The following STAT5B variants were observed in gnomAD, a reference collection of about 807,000 sequenced individuals.
STAT5B encodes signal transducer and activator of transcription 5B.
In STAT5B, 21 loss-of-function variants were observed where a neutral mutation model predicts 107.8. The observed-to-expected ratio is 0.19, with a 90% CI of 0.14 to 0.28. The LOEUF (loss-of-function observed/expected upper bound fraction) is 0.28. Among genes scored for constraint, STAT5B ranks in the 10% least tolerant of loss-of-function variants. The probability of loss-of-function intolerance (pLI) is 1.00; values close to 1 mark genes in which losing one functional copy is unlikely to be tolerated. For synonymous variants in STAT5B, 325 were observed against 401.7 expected (o/e 0.81, Z 2.28); for missense variants, 565 against 1,008.2 (o/e 0.56, Z 5.95).
chr17:42,269,482 T>A (rs187573634), intron 1 of STAT5B: 6 of 152,064 alleles, frequency 3.9e-5, no homozygotes, highest in Non-Finnish European at 8.8e-5. Flanking sequence ...TCATCAGACA[T>A]AGAAAAAAAG....
At chr17:42,262,798 GTGTGTA>G (rs2080613840) in intron 1 of STAT5B, among the ~76,000 whole-genome samples, 1 of 103,578 alleles carries the variant, frequency 9.7e-6, no homozygotes, top group Non-Finnish European at 1.9e-5. Flanking sequence ...ACATATATAT[GTGTGTA>G]TATATACACA....
At chr17:42,262,320 G>A (rs571937171) in intron 1 of STAT5B, among the ~76,000 whole-genome samples, 6 of 152,170 alleles carry the variant, frequency 3.9e-5, no homozygotes, top group East Asian at 1.9e-4. Context: ...CCAGCACCCC[G>A]TGCTAATATT....
rs1463676724 is a variant in STAT5B, at chr17:42,232,053, A to C, written c.75T>G (p.His25Gln). ...AATAATGCCGCACCTCAATGGGAAA[A>C]TGCTGGCCATATAACGCTTGCATCT... ...LHQMQALYGQ[H>Q]FPIEVRHYLS... Residue 25 changes from histidine to glutamine, a missense_variant, in exon 2 of 19, where the codon CAT becomes CAG. Physicochemically the swap from His to Gln is conservative, Grantham distance 24. Around this residue, in one of 11 missense-constraint regions of STAT5B, gnomAD observed 83 missense variants for 145.1 expected, o/e 0.57. Transcript: ENST00000293328. 6.2e-7 allele frequency: 1 copy of C among 1,613,894 alleles called. No individual in the cohort carries two copies. The highest frequency in any genetic ancestry group is 1.3e-5 in the African/African-American group (1 of 74,966).
intron 1 of STAT5B, among the ~76,000 whole-genome samples, chr17:42,262,872 GTATATATACACATATATATGTGTGTA>G (rs1567677103): frequency 8.4e-6 from 1 of 118,968 alleles, no homozygotes; most frequent in East Asian, 2.4e-4. Context: ...ATATGTGTGT[GTATATATACACATATATATGTGTGTA>G]TATATATGTG....
Position 42,201,566 on chromosome 17 carries a change from G to C in STAT5B, c.*172C>G. On this transcript the variant is annotated 3_prime_UTR_variant, in exon 19 of 19. Transcript: ENST00000293328. The stretch of plus-strand genomic sequence containing the variant: ...CACACACACACACAAACACATACTC[G>C]CACTCCCTTCGCTGGTGCCACCATG... 1.5e-6 allele frequency: 1 copy of C among 684,124 alleles called. No homozygotes were observed. Among genetic ancestry groups the C allele is most frequent in the Non-Finnish European group, 2.7e-6 (1 of 374,290 alleles). The allele number at this position is 684,124 out of a possible 1,614,324, so 42.4% of individuals were successfully genotyped here.
At position 42,207,749 on chromosome 17, in the gene STAT5B, A is replaced by G. The variant is rs191302579; in HGVS notation, c.1907-21T>C. The G allele has an allele frequency of 3.7e-5, 60 of 1,613,510 alleles. No homozygotes were observed. In the East Asian group the frequency reaches 1.0e-3, roughly 28 times the overall value. ...TTCCTCTAGATCAATAAACAGAACA[A>G]TCACATTCTAAACATGATTTCTGAA... On this transcript the variant is annotated intron_variant, in intron 15 of 18. Coordinates refer to ENST00000293328, the MANE Select transcript of STAT5B (RefSeq NM_012448.4).
At chr17:42,205,719 G>A (rs2080079346) in intron 16 of STAT5B, among the ~76,000 whole-genome samples, 1 of 152,114 alleles carries the variant, frequency 6.6e-6, no homozygotes, top group Non-Finnish European at 1.5e-5. Flanking sequence ...AGACCAGTCT[G>A]GGAAACACAG....
At position 42,263,760 on chromosome 17, in the gene STAT5B, C is replaced by T. The variant is rs565438346; in HGVS notation, c.-11+12488G>A. On this transcript the variant is annotated intron_variant, in intron 1 of 18. Coordinates refer to ENST00000293328, the MANE Select transcript of STAT5B (RefSeq NM_012448.4). Reference sequence around the variant, plus strand: ...CAGGCTGATCTTGAACTCCTGGACTCAAGTGATCCTCCCACCTCAGCCTCC... The same window carrying T: ...CAGGCTGATCTTGAACTCCTGGACTTAAGTGATCCTCCCACCTCAGCCTCC... Among the ~76,000 whole-genome samples, 5 of 152,088 alleles carry T rather than the reference C, an allele frequency of 3.3e-5. No homozygotes were observed. The South Asian group carries it at 8.3e-4, about 25-fold the overall frequency.
intron 3 of STAT5B, among the ~76,000 whole-genome samples, chr17:42,227,167 A>ATAAATAAATAAG: frequency 6.6e-6 from 1 of 150,452 alleles, no homozygotes; most frequent in Non-Finnish European, 1.5e-5. Context: ...AAATAAATAA[A>ATAAATAAATAAG]TAAATAGAAA....
At position 42,254,843 on chromosome 17, in the gene STAT5B, A is replaced by G. The variant is rs1486601854; in HGVS notation, c.-11+21405T>C. 3.3e-5 allele frequency among the ~76,000 whole-genome samples: 5 copies of G among 152,226 alleles called. No homozygotes were observed. The East Asian group carries it at 9.6e-4, about 29-fold the overall frequency. The stretch of plus-strand genomic sequence containing the variant: ...TGCGGTGGCTCATGCCTGTAATCCC[A>G]ACACTTTGGGAGGCCTAGGCAGGCG... On this transcript the variant is annotated intron_variant, in intron 1 of 18. Coordinates refer to ENST00000293328, the MANE Select transcript of STAT5B (RefSeq NM_012448.4).
chr17:42,222,739 T>A (rs996010276), intron 5 of STAT5B, among the ~76,000 whole-genome samples: 5 of 150,280 alleles, frequency 3.3e-5, no homozygotes, highest in African/African-American at 9.8e-5. Flanking sequence ...TGGAGTGCAA[T>A]GGTGAGATCT....
rs758873047 is a variant in STAT5B, at chr17:42,218,346, G to C, written c.990-16C>G. 2 of 1,610,922 alleles carry C rather than the reference G, an allele frequency of 1.2e-6. No homozygotes were observed. The highest frequency in any genetic ancestry group is 1.7e-6 in the Non-Finnish European group (2 of 1,177,706). The stretch of plus-strand genomic sequence containing the variant: ...GATGAACGTGCTGCAGGGGACACAG[G>C]GACAGATGCATGATGAGGGGCTGGT... On this transcript the variant is annotated splice_polypyrimidine_tract_variant and intron_variant, in intron 8 of 18. Coordinates refer to ENST00000293328, the MANE Select transcript of STAT5B (RefSeq NM_012448.4).
intron 1 of STAT5B, chr17:42,234,890 A>G (rs928766831): frequency 6.6e-6 from 1 of 152,194 alleles, no homozygotes; most frequent in Non-Finnish European, 1.5e-5. Context: ...GGGATGGATG[A>G]ATGAAGGTGC....
intron 3 of STAT5B, among the ~76,000 whole-genome samples, chr17:42,226,255 G>A (rs759243366): frequency 1.3e-5 from 2 of 151,998 alleles, no homozygotes; most frequent in Non-Finnish European, 2.9e-5. Context: ...ATTTTAAAAT[G>A]CCAATGTAAT....
intron 4 of STAT5B, among the ~76,000 whole-genome samples, chr17:42,223,901 G>A (rs1288197662): frequency 6.6e-6 from 1 of 152,154 alleles, no homozygotes; most frequent in African/African-American, 2.4e-5. Context: ...ATGAGGAGGT[G>A]GAGTGATTCC....
In STAT5B at chr17:42,232,085, G is replaced by C; in HGVS notation, c.43C>G (p.Leu15Val). The change falls in exon 2 of 19, where the codon CTT becomes GTT. Residue 15 changes from leucine (L) to valine (V), a missense_variant. Transcript: ENST00000293328. ...CCATATAACGCTTGCATCTGATGAA[G>C]GGCTTCTCCTTGGAGCTGCTGAGCT... ...IQAQQLQGEA[L>V]HQMQALYGQH... 1 of 1,613,844 alleles carries C rather than the reference G, an allele frequency of 6.2e-7. No homozygotes were observed. The highest frequency in any genetic ancestry group is 8.5e-7 in the Non-Finnish European group (1 of 1,179,952).
intron 2 of STAT5B, among the ~76,000 whole-genome samples, chr17:42,230,687 G>A (rs888833151): frequency 6.6e-6 from 1 of 151,540 alleles, no homozygotes; most frequent in Non-Finnish European, 1.5e-5. Flanking sequence ...TTTAAAGGCA[G>A]TCTCACTCTG....
intron 5 of STAT5B, among the ~76,000 whole-genome samples, chr17:42,221,441 T>C (rs911698653): frequency 1.3e-5 from 2 of 152,214 alleles, no homozygotes; most frequent in African/African-American, 2.4e-5. Flanking sequence ...AGCAGATCAA[T>C]AGTCTGTGTT....
chr17:42,211,637 C>T (rs1171765805), intron 13 of STAT5B, among the ~76,000 whole-genome samples: 1 of 152,182 alleles, frequency 6.6e-6, no homozygotes, highest in Non-Finnish European at 1.5e-5. Context: ...TGGCATTACA[C>T]ATGGGGAACA....
Sources: allele counts gnomAD v4.1 joint callset (sites outside exome capture counted in the v4.1 genomes callset), GRCh38; gene constraint gnomAD v4.1.1; regional missense constraint gnomAD v4.1.1; transcripts MANE v1.5; gene names NCBI Gene and HGNC (gene_info 2026-07-23, HGNC 2026-07-21).